The following SND1 variants were observed in gnomAD, a reference collection of about 807,000 sequenced individuals.
SND1 encodes staphylococcal nuclease domain-containing protein 1.
SND1 carries 38 observed loss-of-function variants against 121.7 expected under a neutral mutation model. The observed-to-expected ratio is 0.31, with a 90% CI of 0.24 to 0.41. SND1 has a LOEUF of 0.41. SND1 is among the 10% of genes least tolerant of loss of function. SND1 has a pLI of 1.00. For missense variants in SND1, 868 were observed against 1,184.6 expected, an observed-to-expected ratio of 0.73 and a Z score of 3.92; for synonymous variants, 401 against 447.4, an observed-to-expected ratio of 0.90 and a Z score of 1.31.
intron 16 of SND1, among the ~76,000 whole-genome samples, chr7:127,993,194 C>T (rs1394795245): frequency 6.6e-6 from 1 of 152,232 alleles, no homozygotes; most frequent in Non-Finnish European, 1.5e-5. Context: ...CTGTCCTGAA[C>T]ATTTCCTTTA....
At chr7:127,841,358 T>C (rs918657782) in intron 11 of SND1, among the ~76,000 whole-genome samples, 2 of 152,176 alleles carry the variant, frequency 1.3e-5, no homozygotes, top group African/African-American at 2.4e-5. Flanking sequence ...ACACGAAAGA[T>C]ACATGGACCT....
chr7:128,052,624 C>G lies in SND1; in HGVS notation c.1780-21878C>G, dbSNP rs1793066161. ...AGCCTGATCGATGCCTGTCAGAGCT[C>G]AGCATCAGAGTGACAGCTGCATACC... On this transcript the variant is annotated intron_variant, in intron 16 of 23. Coordinates refer to ENST00000354725, the MANE Select transcript of SND1 (RefSeq NM_014390.4). The surrounding 1 kb of genome is among the most constrained non-coding windows in gnomAD (Gnocchi z 4.6). Among the ~76,000 whole-genome samples the G allele has an allele frequency of 6.6e-6, 1 of 152,244 alleles. No individual in the cohort carries two copies. Among genetic ancestry groups the G allele is most frequent in the South Asian group, 2.1e-4 (1 of 4,834 alleles).
intron 12 of SND1, among the ~76,000 whole-genome samples, chr7:127,855,397 C>T (rs1290603436): frequency 6.6e-6 from 1 of 152,136 alleles, no homozygotes; most frequent in South Asian, 2.1e-4. Context: ...TATCATGAGC[C>T]ACTGCACTGG....
At chr7:127,788,341 C>T (rs180715351) in intron 10 of SND1, among the ~76,000 whole-genome samples, 193 of 152,246 alleles carry the variant, frequency 1.3e-3, no homozygotes, top group Non-Finnish European at 2.4e-3. Context: ...ACATGGTTCC[C>T]AGATCATACA....
intron 1 of SND1, among the ~76,000 whole-genome samples, chr7:127,656,138 A>G (rs1795205941): frequency 6.6e-6 from 1 of 152,172 alleles, no homozygotes; most frequent in South Asian, 2.1e-4. Flanking sequence ...GGAAAGGGCC[A>G]TAATTTTCTC....
intron 16 of SND1, among the ~76,000 whole-genome samples, chr7:128,057,040 T>C (rs1013414813): frequency 4.3e-4 from 65 of 152,174 alleles, no homozygotes; most frequent in African/African-American, 1.6e-3. Context: ...GGATGATTCA[T>C]GTCCCAGGCA....
intron 10 of SND1, among the ~76,000 whole-genome samples, chr7:127,753,026 G>C (rs544605981): frequency 6.6e-5 from 10 of 152,240 alleles, no homozygotes; most frequent in Admixed American, 5.9e-4. Context: ...CTGAACTCTG[G>C]TTTGTGTGGT....
At chr7:127,682,219 A>G (rs1587592352) in intron 1 of SND1, among the ~76,000 whole-genome samples, 1 of 152,188 alleles carries the variant, frequency 6.6e-6, no homozygotes, top group African/African-American at 2.4e-5. Flanking sequence ...GTGGCTGCCC[A>G]TACAGTGTTT....
At chr7:127,753,586 G>C (rs1284247935) in intron 10 of SND1, among the ~76,000 whole-genome samples, 1 of 152,226 alleles carries the variant, frequency 6.6e-6, no homozygotes. Context: ...AGCAAGAGAG[G>C]CTCCTAGGGT....
chr7:127,835,426 C>T (rs528970697), intron 11 of SND1, among the ~76,000 whole-genome samples: 73 of 152,168 alleles, frequency 4.8e-4, no homozygotes, highest in Non-Finnish European at 8.8e-4. Flanking sequence ...CTGTGATTGA[C>T]GCTTGTATAA....
Position 127,985,888 on chromosome 7 carries a change from G to C in SND1, c.1670-5059G>C, listed in dbSNP as rs916393018. Among the ~76,000 whole-genome samples, 5 of 152,294 alleles carry C rather than the reference G, an allele frequency of 3.3e-5. No individual in the cohort carries two copies. In the South Asian group the frequency reaches 1.0e-3, roughly 32 times the overall value. ...TCTGATGCAGTAGTGAGAACACAGC[G>C]GGCATGCAGTAGACACCGTTGACTA... is the stretch of plus-strand genomic sequence containing the variant. On this transcript the variant is annotated intron_variant, in intron 15 of 23. Transcript: ENST00000354725.
At chr7:127,652,526 C>A in intron 1 of SND1, 75 bp downstream of exon 1, 1 of 1,216,292 alleles carries the variant, frequency 8.2e-7, no homozygotes, top group Non-Finnish European at 1.2e-6. Context: ...CACCTTCCGC[C>A]AGCCTGCTCC....
intron 16 of SND1, among the ~76,000 whole-genome samples, chr7:128,024,961 GGGA>G (rs1437760065): frequency 2.0e-5 from 3 of 152,138 alleles, no homozygotes; most frequent in Non-Finnish European, 4.4e-5. Flanking sequence ...TTCCAAGGCT[GGGA>G]GGAGGCCAAG....
At chr7:127,926,576 G>A (rs1333553642) in intron 14 of SND1, among the ~76,000 whole-genome samples, 3 of 79,228 alleles carry the variant, frequency 3.8e-5, no homozygotes, top group Admixed American at 3.4e-4. Flanking sequence ...TTTTTTTGTC[G>A]GAGTCTCGCT....
At chr7:127,700,227 A>T (rs1459955901) in intron 4 of SND1, among the ~76,000 whole-genome samples, 1 of 152,172 alleles carries the variant, frequency 6.6e-6, no homozygotes, top group African/African-American at 2.4e-5. Flanking sequence ...AATTGTTTTG[A>T]CTTCAAGTCA....
intron 1 of SND1, chr7:127,679,406 T>A (rs1311237326): frequency 2.6e-5 from 4 of 152,232 alleles, no homozygotes; most frequent in African/African-American, 7.2e-5. Context: ...TATGTCCCCA[T>A]GTTTTTGTAC....
Position 127,744,241 on chromosome 7 carries a change from AT to A in SND1, c.1152+22848del, listed in dbSNP as rs199757503. The stretch of plus-strand genomic sequence containing the variant: ...AATATATTTAGGCTCCTGGTTTTTA[AT>A]TTTTTTCCCCCCCGTTTCTTCCATG... On this transcript the variant is annotated intron_variant, in intron 10 of 23. Transcript: ENST00000354725. Among the ~76,000 whole-genome samples, 294 of 151,426 alleles carry A rather than the reference AT, an allele frequency of 1.9e-3. 2 individuals carry two copies. Among genetic ancestry groups the A allele is most frequent in the African/African-American group, 5.9e-3 (242 of 41,250 alleles).
chr7:127,799,927 G>A (rs777201819), intron 10 of SND1, among the ~76,000 whole-genome samples: 7 of 152,088 alleles, frequency 4.6e-5, no homozygotes, highest in Non-Finnish European at 1.0e-4. Flanking sequence ...CCTTCTATTC[G>A]GCCAGGTGGT....
At chr7:127,959,543 G>A (rs1801678387) in intron 15 of SND1, among the ~76,000 whole-genome samples, 1 of 152,140 alleles carries the variant, frequency 6.6e-6, no homozygotes, top group South Asian at 2.1e-4. Flanking sequence ...TGGGGCCTTT[G>A]CACTCTCTTC....
Sources: gnomAD v4.1 joint callset for allele counts (sites outside exome capture counted in the v4.1 genomes callset) on GRCh38, gnomAD v4.1.1 for gene constraint, Gnocchi (gnomAD v3.1) non-coding constraint, MANE v1.5 for transcripts, NCBI Gene and HGNC (gene_info 2026-07-23, HGNC 2026-07-21) for gene names.